SLC14A2: variants seen among roughly 807,000 people sequenced by gnomAD.
SLC14A2 encodes the protein solute carrier family 14 member 2.
A neutral mutation model predicts 104.6 loss-of-function variants in SLC14A2; 91 were observed. That is an observed-to-expected ratio of 0.87 (90% CI 0.73 to 1.04). The LOEUF (loss-of-function observed/expected upper bound fraction) is 1.04. Ranked by LOEUF, SLC14A2 falls within the 50% of genes least tolerant of loss-of-function variation. The pLI is 0.00. For synonymous variants in SLC14A2, 476 were observed against 466.4 expected (o/e 1.02, Z -0.27); for missense variants, 1,189 against 1,156.0 (o/e 1.03, Z -0.41).
chr18:45,525,130 G>GACACAC (rs5824592), intron 2 of SLC14A2, among the ~76,000 whole-genome samples: 7 of 149,526 alleles, frequency 4.7e-5, no homozygotes, highest in African/African-American at 1.7e-4. Flanking sequence ...TTTGCATATA[G>GACACAC]ACACACACAC....
Position 45,632,540 on chromosome 18 carries a change from T to C in SLC14A2, c.650+62T>C, listed in dbSNP as rs562087355. ...GGGCCCCCAAGACACTTGTGTCTTA[T>C]ACTGGCCAGAGACAGGACATACACA... On this transcript the variant is annotated intron_variant, in intron 5 of 19. Coordinates refer to ENST00000255226, the MANE Select transcript of SLC14A2 (RefSeq NM_007163.4). 1.1e-5 allele frequency: 18 copies of C among 1,570,774 alleles called. No individual in the cohort carries two copies. The African/African-American group carries it at 1.8e-4, about 15-fold the overall frequency.
chr18:45,338,682 CAAAAAA>C (rs59474827), intron 1 of SLC14A2, among the ~76,000 whole-genome samples: 25 of 51,852 alleles, frequency 4.8e-4, no homozygotes, highest in Admixed American at 1.4e-3. Flanking sequence ...CACTGGCTCA[CAAAAAA>C]AAAAAAAAAA....
chr18:45,526,966 A>G (rs2043601081), intron 2 of SLC14A2, among the ~76,000 whole-genome samples: 1 of 152,246 alleles, frequency 6.6e-6, no homozygotes, highest in South Asian at 2.1e-4. Flanking sequence ...TTGGATGGAT[A>G]ATAATGGAAG....
At position 45,378,329 on chromosome 18, in the gene SLC14A2, G is replaced by A. The variant is rs992181865; in HGVS notation, c.-124-104904G>A. Among the ~76,000 whole-genome samples the A allele has an allele frequency of 2.0e-5, 3 of 152,208 alleles. No homozygotes were observed. In the East Asian group the frequency reaches 5.8e-4, roughly 29 times the overall value. On this transcript the variant is annotated intron_variant, in intron 1 of 20. Coordinates refer to the SLC14A2 transcript ENST00000586448. ...AGCTCCTTTTATTGAGGTCTCCAGAGTAAAATCTTAGGAGAACTACTTCTT... is the reference window on the plus strand; with the variant it reads ...AGCTCCTTTTATTGAGGTCTCCAGAATAAAATCTTAGGAGAACTACTTCTT...
chr18:45,565,312 G>A (rs1391022043), intron 2 of SLC14A2, among the ~76,000 whole-genome samples: 1 of 152,114 alleles, frequency 6.6e-6, no homozygotes, highest in Non-Finnish European at 1.5e-5. Flanking sequence ...TTTTAGTAGA[G>A]ATGGGGTTTC....
At chr18:45,460,666 T>G (rs1412650758) in intron 1 of SLC14A2, among the ~76,000 whole-genome samples, 1 of 152,048 alleles carries the variant, frequency 6.6e-6, no homozygotes, top group Non-Finnish European at 1.5e-5. Flanking sequence ...CCCTAATGAG[T>G]TCTGTACTAT....
intron 2 of SLC14A2, among the ~76,000 whole-genome samples, chr18:45,575,778 T>TTTGTC (rs2044409695): frequency 6.6e-6 from 1 of 150,680 alleles, no homozygotes; most frequent in South Asian, 2.1e-4. Flanking sequence ...GAAAGCCTAG[T>TTTGTC]TTGTCTTGTT....
intron 2 of SLC14A2, among the ~76,000 whole-genome samples, chr18:45,559,414 G>A (rs1025306850): frequency 6.6e-6 from 1 of 152,142 alleles, no homozygotes; most frequent in African/African-American, 2.4e-5. Context: ...AAGATGGCAC[G>A]TTAAAATGGG....
chr18:45,189,621 C>G, the SLC14A2 span, among the ~76,000 whole-genome samples: 1 of 152,172 alleles, frequency 6.6e-6, no homozygotes. Context: ...ATTATTTAAC[C>G]TCTCAGAGCC....
chr18:45,426,610 A>G (rs1212725680), intron 1 of SLC14A2, among the ~76,000 whole-genome samples: 4 of 149,028 alleles, frequency 2.7e-5, no homozygotes, highest in Non-Finnish European at 5.9e-5. Flanking sequence ...TATATGTACT[A>G]TATATATACA....
intron 1 of SLC14A2, among the ~76,000 whole-genome samples, chr18:45,366,403 A>T (rs1305537790): frequency 1.3e-5 from 2 of 152,180 alleles, no homozygotes; most frequent in Non-Finnish European, 2.9e-5. Flanking sequence ...GGCATGTGAC[A>T]ATCAGAGAGA....
At chr18:45,535,488 T>C (rs965284840) in intron 2 of SLC14A2, among the ~76,000 whole-genome samples, 2 of 152,184 alleles carry the variant, frequency 1.3e-5, no homozygotes, top group Non-Finnish European at 2.9e-5. Context: ...CCGTGAGATA[T>C]ATATTTCCAT....
At chr18:45,540,786 C>T (rs1369399634) in intron 2 of SLC14A2, among the ~76,000 whole-genome samples, 4 of 152,126 alleles carry the variant, frequency 2.6e-5, no homozygotes, top group East Asian at 1.9e-4. Context: ...AGGGTGGAAG[C>T]TCCCTGAGGG....
intron 1 of SLC14A2, among the ~76,000 whole-genome samples, chr18:45,340,648 G>T (rs2085384499): frequency 6.6e-6 from 1 of 152,228 alleles, no homozygotes; most frequent in African/African-American, 2.4e-5. Context: ...CTGGTCTTTT[G>T]TAGGCTAGAG....
At chr18:45,390,159 A>G (rs1457847270) in intron 1 of SLC14A2, among the ~76,000 whole-genome samples, 2 of 152,192 alleles carry the variant, frequency 1.3e-5, no homozygotes, top group Non-Finnish European at 2.9e-5. Flanking sequence ...TGCAGACAGG[A>G]CAAAAATCGA....
chr18:45,524,133 T>C (rs1048559904), intron 2 of SLC14A2, among the ~76,000 whole-genome samples: 4 of 152,202 alleles, frequency 2.6e-5, no homozygotes, highest in Non-Finnish European at 4.4e-5. Flanking sequence ...GCCTGGTCCT[T>C]AGTGGGTGCT....
chr18:45,457,020 A>C (rs1338325894), intron 1 of SLC14A2, among the ~76,000 whole-genome samples: 1 of 152,146 alleles, frequency 6.6e-6, no homozygotes, highest in Non-Finnish European at 1.5e-5. Flanking sequence ...TGGAGACCTC[A>C]GGGCTGCCAG....
Position 45,572,686 on chromosome 18 carries a change from T to C in SLC14A2, c.-34-51945T>C, listed in dbSNP as rs754226693. The stretch of plus-strand genomic sequence containing the variant: ...GACCACTCCAGCTCTCAGAAGCTGC[T>C]TCCTCTTCTGAGGTTATTGTCATCG... On this transcript the variant is annotated intron_variant, in intron 2 of 20. Coordinates refer to the SLC14A2 transcript ENST00000586448. Among the ~76,000 whole-genome samples, 102 of 152,222 alleles carry C rather than the reference T, an allele frequency of 6.7e-4. 1 individual carries two copies. The highest frequency in any genetic ancestry group is 3.2e-3 in the Middle Eastern group (1 of 316).
At chr18:45,613,180 G>A (rs370725053), upstream of SLC14A2, among the ~76,000 whole-genome samples, 48 of 152,158 alleles carry the variant, frequency 3.2e-4, no homozygotes, top group African/African-American at 1.0e-3. Context: ...GACTACAGGC[G>A]CCCGCCACCA....
Sources: allele counts gnomAD v4.1 joint callset (sites outside exome capture counted in the v4.1 genomes callset), GRCh38; gene constraint gnomAD v4.1.1; transcripts MANE v1.5; gene names NCBI Gene and HGNC (gene_info 2026-07-23, HGNC 2026-07-21).